Variants in BLTP1 observed in about 807,000 individuals in gnomAD.
BLTP1 encodes bridge-like lipid transfer protein family member 1.
the BLTP1 span, chr4:122,352,950 G>C: frequency 1.2e-6 from 2 of 1,613,908 alleles, no homozygotes; most frequent in Non-Finnish European, 1.7e-6. Context: ...TATTGAAGGT[G>C]GTATCAGGAT....
the BLTP1 span, chr4:122,331,513 C>T: frequency 6.2e-7 from 1 of 1,611,118 alleles, no homozygotes; most frequent in Non-Finnish European, 8.5e-7. Flanking sequence ...CACCCTTCTA[C>T]AAGAACATGA....
chr4:122,258,740 C>A, the BLTP1 span: 11 of 1,614,028 alleles, frequency 6.8e-6, no homozygotes, highest in Non-Finnish European at 9.3e-6. Context: ...GAAGGAACAG[C>A]TAACCGGCCT....
At chr4:122,285,071 A>G in the BLTP1 span, among the ~76,000 whole-genome samples, 3 of 152,188 alleles carry the variant, frequency 2.0e-5, no homozygotes, top group African/African-American at 7.2e-5. Context: ...CAGATATTAG[A>G]GTCCAGGGCT....
chr4:122,228,401 C>G, the BLTP1 span, among the ~76,000 whole-genome samples: 6 of 152,184 alleles, frequency 3.9e-5, no homozygotes, highest in East Asian at 9.7e-4. Flanking sequence ...TGCAGTCAGC[C>G]CCTACCTCAG....
At chr4:122,289,883 A>G in the BLTP1 span, 2 of 698,304 alleles carry the variant, frequency 2.9e-6, no homozygotes, top group South Asian at 1.3e-4. Flanking sequence ...GCGAATGACA[A>G]GAACAGGGTG....
chr4:122,206,965 A>G, the BLTP1 span: 42 of 611,948 alleles, frequency 6.9e-5, no homozygotes, highest in Non-Finnish European at 8.1e-5. Context: ...ATACATCCTA[A>G]TCACCTTTTA....
the BLTP1 span, chr4:122,196,575 T>C: frequency 7.3e-7 from 1 of 1,364,976 alleles, no homozygotes; most frequent in Non-Finnish European, 1.0e-6. Flanking sequence ...TTATGTTCCT[T>C]TATCAGAAGT....
the BLTP1 span, chr4:122,175,866 A>G: frequency 6.3e-7 from 1 of 1,581,190 alleles, no homozygotes; most frequent in Non-Finnish European, 8.7e-7. Context: ...AGATGGATTC[A>G]TCATTTTTCG....
the BLTP1 span, chr4:122,350,265 T>A: frequency 1.0e-6 from 1 of 985,402 alleles, no homozygotes; most frequent in Non-Finnish European, 1.2e-6. Flanking sequence ...TAGGAAGACA[T>A]CATTTGTTAT....
At chr4:122,347,664 G>A in the BLTP1 span, 1 of 1,613,798 alleles carries the variant, frequency 6.2e-7, no homozygotes, top group South Asian at 1.1e-5. Context: ...CACCTAATGT[G>A]TTCAATGAGC....
chr4:122,257,406 A>C, the BLTP1 span: 1 of 1,614,076 alleles, frequency 6.2e-7, no homozygotes, highest in Admixed American at 1.7e-5. Flanking sequence ...GCTATGGACC[A>C]TGAACATGAA....
chr4:122,246,320 A>AT, the BLTP1 span: 59 of 1,536,206 alleles, frequency 3.8e-5, no homozygotes, highest in South Asian at 7.2e-4. Flanking sequence ...ATATTTAAAA[A>AT]TTTTTTCCTG....
At chr4:122,347,913 AAAAT>A in the BLTP1 span, 1 of 663,354 alleles carries the variant, frequency 1.5e-6, no homozygotes, top group East Asian at 2.7e-5. Context: ...AAAAAAAAAA[AAAAT>A]CCCCAACACA....
At chr4:122,189,618 AT>A in the BLTP1 span, 2 of 924,174 alleles carry the variant, frequency 2.2e-6, no homozygotes, top group Non-Finnish European at 1.3e-6. Context: ...GAATATGATC[AT>A]TTTATTCCAG....
At chr4:122,291,966 G>GTTTTTTTTTTTTTTTTTTTTTTT in the BLTP1 span, 1 of 118,664 alleles carries the variant, frequency 8.4e-6, no homozygotes, top group African/African-American at 3.6e-5. Context: ...GCATCAAACA[G>GTTTTTTTTTTTTTTTTTTTTTTT]TTTTTTTTTT....
the BLTP1 span, chr4:122,232,194 A>C: frequency 1.2e-6 from 1 of 830,942 alleles, no homozygotes; most frequent in East Asian, 1.2e-4. Context: ...TTAACAAGTT[A>C]GCTGTTACAA....
At chr4:122,301,263 A>T in the BLTP1 span, 15 of 445,568 alleles carry the variant, frequency 3.4e-5, no homozygotes, top group African/African-American at 1.9e-4. Flanking sequence ...TTTTTTCTTT[A>T]AAAAAAAAAA....
the BLTP1 span, chr4:122,170,352 TGAGCCAG>T: frequency 1.0e-6 from 1 of 978,256 alleles, no homozygotes; most frequent in Non-Finnish European, 1.2e-6. Context: ...CCTGTTATTT[TGAGCCAG>T]AGTATAGTAA....
the BLTP1 span, among the ~76,000 whole-genome samples, chr4:122,359,144 G>A: frequency 3.3e-5 from 5 of 150,846 alleles, no homozygotes; most frequent in African/African-American, 7.3e-5. Context: ...GCTAAATGAC[G>A]AGTTAATGGG....
Sources: allele counts gnomAD v4.1 joint callset (sites outside exome capture counted in the v4.1 genomes callset), GRCh38; gene constraint gnomAD v4.1.1; transcripts MANE v1.5; gene names NCBI Gene and HGNC (gene_info 2026-07-23, HGNC 2026-07-21).